Variants in VRK2 observed in about 807,000 individuals in gnomAD.
The protein encoded by VRK2 is serine/threonine-protein kinase VRK2.
VRK2 carries 60 observed loss-of-function variants against 57.6 expected under a neutral mutation model. That is an observed-to-expected ratio of 1.04 (90% CI 0.85 to 1.29). VRK2 has a LOEUF of 1.29. Ranked by LOEUF, VRK2 falls within the 50% of genes most tolerant of loss-of-function variation. VRK2 has a pLI of 0.00. For missense variants in VRK2, 705 were observed against 588.1 expected, an observed-to-expected ratio of 1.20 and a Z score of -2.06; for synonymous variants, 231 against 199.2, an observed-to-expected ratio of 1.16 and a Z score of -1.35.
intron 1 of VRK2, among the ~76,000 whole-genome samples, chr2:57,928,810 G>A (rs1670625248): frequency 6.6e-6 from 1 of 152,234 alleles, no homozygotes; most frequent in Non-Finnish European, 1.5e-5. Context: ...TAGACTCATA[G>A]AAGTACTACC....
At chr2:58,031,852 G>A (rs767603502) in intron 2 of VRK2, among the ~76,000 whole-genome samples, 2 of 152,010 alleles carry the variant, frequency 1.3e-5, no homozygotes, top group Non-Finnish European at 2.9e-5. Flanking sequence ...AAAAATGGAA[G>A]GAAGGTAGAA....
intron 11 of VRK2, among the ~76,000 whole-genome samples, chr2:58,143,641 T>G (rs1204656001): frequency 6.6e-6 from 1 of 151,846 alleles, no homozygotes; most frequent in Non-Finnish European, 1.5e-5. Flanking sequence ...CAAAAACTCT[T>G]AAACCTAAAA....
intron 1 of VRK2, among the ~76,000 whole-genome samples, chr2:57,923,545 A>G (rs1382233659): frequency 2.0e-5 from 3 of 150,828 alleles, no homozygotes; most frequent in Non-Finnish European, 4.4e-5. Flanking sequence ...AGAAATGTCT[A>G]TTCAGATCTT....
At chr2:58,032,158 A>C (rs988494769) in intron 2 of VRK2, among the ~76,000 whole-genome samples, 3 of 152,128 alleles carry the variant, frequency 2.0e-5, no homozygotes, top group African/African-American at 7.2e-5. Context: ...GGTTATGAAC[A>C]GACAGAAAAG....
chr2:58,079,300 T>G (rs1177457849), intron 2 of VRK2, among the ~76,000 whole-genome samples: 1 of 152,102 alleles, frequency 6.6e-6, no homozygotes, highest in Admixed American at 6.6e-5. Flanking sequence ...TGCCATAAAT[T>G]CATTATTTTC....
chr2:58,106,830 A>G (rs2104385773), intron 7 of VRK2, among the ~76,000 whole-genome samples: 1 of 152,240 alleles, frequency 6.6e-6, no homozygotes, highest in South Asian at 2.1e-4. Context: ...GCTTATTCTA[A>G]TAAACCTCAT....
intron 12 of VRK2, among the ~76,000 whole-genome samples, chr2:58,158,923 G>A (rs1236942218): frequency 6.6e-6 from 1 of 152,044 alleles, no homozygotes; most frequent in Admixed American, 6.6e-5. Flanking sequence ...CTGTACAGTG[G>A]ACACTTCTCA....
At chr2:58,159,253 A>G (rs955054484) in intron 12 of VRK2, 96 bp from the exon 13 acceptor site, 4 of 945,744 alleles carry the variant, frequency 4.2e-6, no homozygotes, top group East Asian at 2.5e-5. Context: ...TTGATCTTGT[A>G]TAACATTTTA....
intron 7 of VRK2, among the ~76,000 whole-genome samples, chr2:58,089,960 G>A (rs1347992612): frequency 1.3e-5 from 2 of 152,156 alleles, no homozygotes. Context: ...GTTAAGAAGT[G>A]GCTGAGCAGG....
chr2:58,135,408 A>G lies in VRK2; in HGVS notation c.856+209A>G, dbSNP rs557925633. Among the ~76,000 whole-genome samples the G allele has an allele frequency of 4.0e-5, 6 of 150,436 alleles. No individual in the cohort carries two copies. In the East Asian group the frequency reaches 1.2e-3, roughly 29 times the overall value. ...AACACAAAAAACCTCAAAAGAAGAT[A>G]TTGAGGTGGAAAATTCTAGGTTCTG... On this transcript the variant is annotated intron_variant, in intron 10 of 12. Coordinates refer to ENST00000340157, the MANE Select transcript of VRK2 (RefSeq NM_006296.7).
chr2:57,931,632 C>A (rs1455250203), intron 1 of VRK2, among the ~76,000 whole-genome samples: 1 of 152,046 alleles, frequency 6.6e-6, no homozygotes, highest in Non-Finnish European at 1.5e-5. Context: ...TATAGTCCCA[C>A]TTTGTTTTTG....
chr2:58,093,228 G>A (rs1672628136), intron 7 of VRK2, among the ~76,000 whole-genome samples: 1 of 152,176 alleles, frequency 6.6e-6, no homozygotes, highest in Non-Finnish European at 1.5e-5. Context: ...AGATCCCTGA[G>A]GAATCGCCAC....
intron 6 of VRK2, 131 bp from the exon 7 acceptor site, chr2:58,089,500 A>G (rs1672076883): frequency 1.0e-5 from 5 of 479,418 alleles, no homozygotes; most frequent in Non-Finnish European, 1.8e-5. Flanking sequence ...ATAATTAACC[A>G]GTAATTGTGA....
At chr2:58,156,019 G>A (rs1003711312) in intron 12 of VRK2, among the ~76,000 whole-genome samples, 12 of 151,746 alleles carry the variant, frequency 7.9e-5, no homozygotes, top group African/African-American at 2.7e-4. Flanking sequence ...AGTACATGGC[G>A]GGTGGAGACT....
chr2:58,143,917 G>T (rs1271526175), intron 11 of VRK2, among the ~76,000 whole-genome samples: 1 of 151,166 alleles, frequency 6.6e-6, no homozygotes, highest in Non-Finnish European at 1.5e-5. Context: ...TCCACAAAGT[G>T]TATTTTATTC....
chr2:57,919,691 C>T (rs1670274325), intron 1 of VRK2, among the ~76,000 whole-genome samples: 1 of 152,054 alleles, frequency 6.6e-6, no homozygotes, highest in Non-Finnish European at 1.5e-5. Flanking sequence ...GCACATTCTT[C>T]ATCTATTTTC....
At chr2:57,917,394 T>G (rs1035783744) in intron 1 of VRK2, among the ~76,000 whole-genome samples, 1 of 151,838 alleles carries the variant, frequency 6.6e-6, no homozygotes, top group African/African-American at 2.4e-5. Flanking sequence ...AGACGAGTCT[T>G]TCATAGAGTG....
intron 1 of VRK2, among the ~76,000 whole-genome samples, chr2:57,986,212 A>G (rs1361752150): frequency 6.6e-6 from 1 of 151,966 alleles, no homozygotes; most frequent in African/African-American, 2.4e-5. Context: ...TCTCTTCTAT[A>G]TTTCTTTAAA....
At chr2:57,953,895 T>A (rs982307404) in intron 1 of VRK2, among the ~76,000 whole-genome samples, 1 of 152,112 alleles carries the variant, frequency 6.6e-6, no homozygotes, top group Non-Finnish European at 1.5e-5. Flanking sequence ...CTGAATAAAA[T>A]CGTATCACAA....
Sources: gnomAD v4.1 joint callset for allele counts (sites outside exome capture counted in the v4.1 genomes callset) on GRCh38, gnomAD v4.1.1 for gene constraint, MANE v1.5 for transcripts, NCBI Gene and HGNC (gene_info 2026-07-23, HGNC 2026-07-21) for gene names.